The following CACHD1 variants were observed in gnomAD, a reference collection of about 807,000 sequenced individuals.
CACHD1 encodes the protein VWFA and cache domain-containing protein 1.
A neutral mutation model predicts 138.7 loss-of-function variants in CACHD1; 71 were observed. The observed-to-expected ratio is 0.51, with a 90% CI of 0.42 to 0.62. The LOEUF (loss-of-function observed/expected upper bound fraction) is 0.62, where lower values mean the gene tolerates loss of function less well. Among genes scored for constraint, CACHD1 ranks in the 20% least tolerant of loss-of-function variants. The pLI, the probability that CACHD1 is intolerant of heterozygous loss-of-function variation, is 0.00. For missense variants in CACHD1, 1,389 were observed against 1,625.3 expected (o/e 0.85, Z 2.50); for synonymous variants, 578 against 591.5 (o/e 0.98, Z 0.33).
At chr1:64,596,158 GA>G (rs1188752160) in intron 3 of CACHD1, among the ~76,000 whole-genome samples, 2 of 152,152 alleles carry the variant, frequency 1.3e-5, no homozygotes, top group South Asian at 2.1e-4. Flanking sequence ...GTTCCTTTTT[GA>G]AGTGATCCTG....
At chr1:64,657,810 C>G (rs1649316139) in intron 12 of CACHD1, among the ~76,000 whole-genome samples, 1 of 152,180 alleles carries the variant, frequency 6.6e-6, no homozygotes, top group African/African-American at 2.4e-5. Flanking sequence ...TCTGATTTCG[C>G]TAGTCATCAA....
rs559343714 is a variant in CACHD1, at chr1:64,489,334, TGAA to T, written c.198+18397_198+18399del. ...TTTGTGGGCTTTGTGGATGTGATTT[TGAA>T]GAAGGAGTGAGTCCTCCAAACTAAA... On this transcript the variant is annotated intron_variant, in intron 1 of 26. Coordinates refer to ENST00000651257, the MANE Select transcript of CACHD1 (RefSeq NM_020925.4). Among the ~76,000 whole-genome samples the T allele has an allele frequency of 1.0e-3, 156 of 152,288 alleles. 1 individual carries two copies. Among genetic ancestry groups the T allele is most frequent in the African/African-American group, 3.7e-3 (152 of 41,540 alleles).
intron 3 of CACHD1, 138 bp downstream of exon 3, chr1:64,582,442 A>T: frequency 1.4e-6 from 1 of 733,498 alleles, no homozygotes; most frequent in East Asian, 2.7e-5. Context: ...TAAGCCCTTT[A>T]TCTTTAGATA....
intron 1 of CACHD1, among the ~76,000 whole-genome samples, chr1:64,543,638 A>G (rs1182888227): frequency 1.3e-5 from 2 of 151,536 alleles, no homozygotes; most frequent in Non-Finnish European, 2.9e-5. Flanking sequence ...AGAATGCAGA[A>G]TAATTAGCCT....
rs1322039540 is a variant in CACHD1 at position 64,564,134 on chromosome 1, CTG to C, written c.261+13480_261+13481del. 5.9e-5 allele frequency among the ~76,000 whole-genome samples: 9 copies of C among 152,292 alleles called. No homozygotes were observed. The South Asian group carries it at 1.7e-3, about 28-fold the overall frequency. ...AGCCTTTTCTCTGAGCTCCTCTTAT[CTG>C]TCTAAAGACGGATCCTCCGAAAGGA... On this transcript the variant is annotated intron_variant, in intron 2 of 26. Coordinates refer to ENST00000651257, the MANE Select transcript of CACHD1 (RefSeq NM_020925.4).
chr1:64,589,282 G>GC (rs1647077949), intron 3 of CACHD1, among the ~76,000 whole-genome samples: 1 of 152,042 alleles, frequency 6.6e-6, no homozygotes, highest in Non-Finnish European at 1.5e-5. Context: ...TTTCCAGCTG[G>GC]CACCCACTTG....
intron 1 of CACHD1, among the ~76,000 whole-genome samples, chr1:64,485,808 T>A (rs1326742392): frequency 6.6e-6 from 1 of 152,176 alleles, no homozygotes; most frequent in Non-Finnish European, 1.5e-5. Context: ...AGTTTTTTGA[T>A]GTTTCAAATC....
chr1:64,508,631 C>T (rs776435108), intron 1 of CACHD1, among the ~76,000 whole-genome samples: 8 of 152,206 alleles, frequency 5.3e-5, no homozygotes, highest in Non-Finnish European at 8.8e-5. Context: ...TGACATTAAA[C>T]ACCTGCTGCC....
intron 1 of CACHD1, among the ~76,000 whole-genome samples, chr1:64,524,798 G>A (rs1423635822): frequency 6.6e-6 from 1 of 152,120 alleles, no homozygotes; most frequent in African/African-American, 2.4e-5. Flanking sequence ...TGATGATGAA[G>A]ATGATGATAG....
In CACHD1 at chr1:64,532,891, G is replaced by T. The variant is rs1461339973; in HGVS notation, c.199-17703G>T. On this transcript the variant is annotated intron_variant, in intron 1 of 26. Transcript: ENST00000651257. ...GAGGAGGAGTAAAGTAGTGGTACTA[G>T]TAGTAGTAGCAGCAGCAGCAGTAGT... Among the ~76,000 whole-genome samples the T allele has an allele frequency of 2.0e-5, 3 of 152,184 alleles. No individual in the cohort carries two copies. In the East Asian group the frequency reaches 5.8e-4, roughly 29 times the overall value.
chr1:64,545,986 A>T (rs1018825718), intron 1 of CACHD1, among the ~76,000 whole-genome samples: 2 of 152,210 alleles, frequency 1.3e-5, no homozygotes, highest in Non-Finnish European at 2.9e-5. Flanking sequence ...TCTGTTCACT[A>T]TATAATAAAA....
In CACHD1 at chr1:64,691,479, A is replaced by G. The variant is rs1178566022; in HGVS notation, c.3743A>G (p.Tyr1248Cys). ...AALLSHKFHH[Y>C]RSHHPTLHHS... ...CTACTAAGTCACAAGTTCCACCACT[A>G]CCGGTCACACCACCCTACACTTCAT... The change falls in exon 27 of 27, where the codon TAC (tyrosine) becomes TGC (cysteine). Residue 1248 changes from tyrosine to cysteine, a missense_variant. Around this residue, in one of 5 missense-constraint regions of CACHD1, gnomAD observed 78 missense variants for 76.9 expected, o/e 1.01. Transcript: ENST00000651257. The G allele has an allele frequency of 3.7e-6, 6 of 1,614,020 alleles. No individual in the cohort carries two copies. Among genetic ancestry groups the G allele is most frequent in the Non-Finnish European group, 5.1e-6 (6 of 1,179,980 alleles).
At position 64,470,771 on chromosome 1, in the gene CACHD1, G is replaced by A; in HGVS notation, c.27G>A (p.Glu9=). The A allele has an allele frequency of 1.2e-6, 1 of 869,314 alleles. No individual in the cohort carries two copies. The highest frequency in any genetic ancestry group is 1.8e-6 in the Non-Finnish European group (1 of 571,066). 53.9% of individuals were successfully genotyped at this position (869,314 alleles called of 1,614,324 possible). A position where few individuals can be genotyped will look rare whatever the true frequency, so the allele number is the denominator to read the frequency against. MARQPEEE[E]TAVARARRPP... ...TGGCCCGCCAGCCGGAGGAAGAGGA[G>A]ACGGCCGTGGCCCGGGCGCGGCGGC... is the stretch of plus-strand genomic sequence containing the variant. Residue 9 remains glutamate, a synonymous_variant, in exon 1 of 27, where the codon GAG becomes GAA. Coordinates refer to ENST00000651257, the MANE Select transcript of CACHD1 (RefSeq NM_020925.4). The surrounding 1 kb of genome is among the most constrained non-coding windows in gnomAD (Gnocchi z 5.2).
At chr1:64,545,192 G>C (rs1646709361) in intron 1 of CACHD1, among the ~76,000 whole-genome samples, 1 of 152,154 alleles carries the variant, frequency 6.6e-6, no homozygotes, top group Non-Finnish European at 1.5e-5. Context: ...GTATATTTTA[G>C]AGAGACTACC....
chr1:64,501,732 T>C (rs1646341742), intron 1 of CACHD1, among the ~76,000 whole-genome samples: 1 of 152,214 alleles, frequency 6.6e-6, no homozygotes, highest in African/African-American at 2.4e-5. Flanking sequence ...TGTAGAAGGA[T>C]GGCTATTCCA....
At chr1:64,582,126 C>G (rs202127533) in intron 2 of CACHD1, 30 bp from the exon 3 acceptor site, 76 of 1,609,296 alleles carry the variant, frequency 4.7e-5, no homozygotes, top group Non-Finnish European at 6.2e-5. Context: ...CTTGGACTTT[C>G]GATTTATTTT....
intron 1 of CACHD1, among the ~76,000 whole-genome samples, chr1:64,510,796 G>A (rs748084910): frequency 5.4e-4 from 82 of 152,152 alleles, no homozygotes; most frequent in Non-Finnish European, 1.1e-3. Flanking sequence ...AAGTGCTCCT[G>A]TAAATCTCTT....
At chr1:64,535,522 A>G (rs1042812850) in intron 1 of CACHD1, among the ~76,000 whole-genome samples, 1 of 151,958 alleles carries the variant, frequency 6.6e-6, no homozygotes, top group Non-Finnish European at 1.5e-5. Context: ...GCAGAGTTTC[A>G]CCATGTTGGC....
At chr1:64,515,465 T>G (rs1452576746) in intron 1 of CACHD1, among the ~76,000 whole-genome samples, 3 of 152,240 alleles carry the variant, frequency 2.0e-5, no homozygotes, top group Non-Finnish European at 2.9e-5. Flanking sequence ...AATATAAGCA[T>G]ATGCAATTAA....
Sources: allele counts gnomAD v4.1 joint callset (sites outside exome capture counted in the v4.1 genomes callset), GRCh38; gene constraint gnomAD v4.1.1; regional missense constraint gnomAD v4.1.1; non-coding constraint Gnocchi (gnomAD v3.1); transcripts MANE v1.5; gene names NCBI Gene and HGNC (gene_info 2026-07-23, HGNC 2026-07-21).